Variants in SYNE1 observed in about 807,000 individuals in gnomAD.
SYNE1 encodes nesprin-1.
Under a neutral mutation model 1,111.0 loss-of-function variants are expected in SYNE1, and 616 were observed. The ratio of observed to expected loss-of-function variants is 0.55; its 90% CI spans 0.52 to 0.59. The LOEUF is 0.59. SYNE1 is among the 20% of genes least tolerant of loss of function. The pLI is 0.00. For missense variants in SYNE1, 10,006 were observed against 10,417.0 expected (o/e 0.96, Z 1.72); for synonymous variants, 3,855 against 3,825.8 (o/e 1.01, Z -0.28).
intron 4 of SYNE1, among the ~76,000 whole-genome samples, chr6:152,528,180 G>T (rs1464663334): frequency 6.6e-6 from 1 of 151,958 alleles, no homozygotes; most frequent in Non-Finnish European, 1.5e-5. Flanking sequence ...TGAGTCCTTT[G>T]TTCTTTACAA....
chr6:152,289,093 G>A (rs2094461059), intron 95 of SYNE1, among the ~76,000 whole-genome samples: 1 of 152,042 alleles, frequency 6.6e-6, no homozygotes, highest in Non-Finnish European at 1.5e-5. Flanking sequence ...TTAATTTTAT[G>A]CTATGTGAAT....
At chr6:152,184,453 AAAAG>A (rs1206061663) in intron 128 of SYNE1, among the ~76,000 whole-genome samples, 1 of 149,298 alleles carries the variant, frequency 6.7e-6, no homozygotes, top group Non-Finnish European at 1.5e-5. Context: ...AAAAAAAAAA[AAAAG>A]AAAGAAATTG....
chr6:152,525,489 T>A (rs2099159453), intron 5 of SYNE1, among the ~76,000 whole-genome samples: 1 of 152,214 alleles, frequency 6.6e-6, no homozygotes, highest in South Asian at 2.1e-4. Flanking sequence ...CAAGAAGAGA[T>A]AATTTATTAT....
At position 152,398,715 on chromosome 6, in the gene SYNE1, G is replaced by T; in HGVS notation, c.7254C>A (p.Phe2418Leu). ...CCTTTGCTCCCAAAAACCATTCTTG[G>T]AATTCCTGCATAGACTCTTTTGAAA... ...EKHFSESMQE[F>L]QEWFLGAKAA... is the part of the protein sequence containing the mutation. Residue 2418 changes from phenylalanine to leucine, a missense_variant, in exon 49 of 146, where the codon TTC becomes TTA. Physicochemically the swap from Phe to Leu is conservative, Grantham distance 22. Coordinates refer to ENST00000367255, the MANE Select transcript of SYNE1 (RefSeq NM_182961.4). 6.2e-7 allele frequency: 1 copy of T among 1,613,524 alleles called. No homozygotes were observed. The highest frequency in any genetic ancestry group is 8.5e-7 in the Non-Finnish European group (1 of 1,179,688).
chr6:152,241,155 C>T (rs1321806294), intron 107 of SYNE1, among the ~76,000 whole-genome samples: 2 of 152,146 alleles, frequency 1.3e-5, no homozygotes, highest in Non-Finnish European at 2.9e-5. Flanking sequence ...CCTAGTTTCC[C>T]CTCTGGAATA....
chr6:152,323,760 T>C (rs2095957659), intron 81 of SYNE1, 23 bp from the exon 82 acceptor site: 1 of 1,613,682 alleles, frequency 6.2e-7, no homozygotes, highest in Non-Finnish European at 8.5e-7. Flanking sequence ...GTACATACTA[T>C]GAAGTTCAAT....
chr6:152,143,404 G>C lies in SYNE1; in HGVS notation c.25119+219C>G, dbSNP rs552307402. On this transcript the variant is annotated intron_variant, in intron 138 of 145. Transcript: ENST00000367255. Reference sequence around the variant, plus strand: ...CCTAAGTGCTCAGTGTAAAGGAACAGGTTTGTCATTACAACAGTTTTGTGG... The same window carrying C: ...CCTAAGTGCTCAGTGTAAAGGAACACGTTTGTCATTACAACAGTTTTGTGG... 2.0e-5 allele frequency among the ~76,000 whole-genome samples: 3 copies of C among 152,304 alleles called. No homozygotes were observed. In the East Asian group the frequency reaches 5.8e-4, roughly 29 times the overall value.
At chr6:152,505,959 A>C (rs1382698394) in intron 8 of SYNE1, among the ~76,000 whole-genome samples, 3 of 152,264 alleles carry the variant, frequency 2.0e-5, no homozygotes, top group Non-Finnish European at 4.4e-5. Flanking sequence ...TATTGCAATT[A>C]TATCTCAAAG....
chr6:152,562,760 C>A (rs561975750), intron 3 of SYNE1, among the ~76,000 whole-genome samples: 1 of 152,130 alleles, frequency 6.6e-6, no homozygotes, highest in Non-Finnish European at 1.5e-5. Flanking sequence ...ATGTAACAAA[C>A]CTGCACGTTC....
intron 91 of SYNE1, among the ~76,000 whole-genome samples, chr6:152,306,727 A>AAT (rs1326797456): frequency 2.6e-5 from 4 of 150,982 alleles, no homozygotes; most frequent in Non-Finnish European, 4.4e-5. Flanking sequence ...CAAAAAAAAA[A>AAT]AATGCAAAAA....
At chr6:152,296,569 C>T (rs2094892613) in intron 93 of SYNE1, among the ~76,000 whole-genome samples, 1 of 152,226 alleles carries the variant, frequency 6.6e-6, no homozygotes, top group African/African-American at 2.4e-5. Flanking sequence ...ATCCTGGCCA[C>T]AGCCTTGGTT....
chr6:152,259,369 T>C (rs2091564368), intron 101 of SYNE1, among the ~76,000 whole-genome samples: 2 of 152,202 alleles, frequency 1.3e-5, no homozygotes, highest in South Asian at 2.1e-4. Flanking sequence ...AAGTAGGTTG[T>C]TGTGCATGGA....
intron 3 of SYNE1, among the ~76,000 whole-genome samples, chr6:152,626,603 A>G (rs1332812695): frequency 6.6e-6 from 1 of 152,196 alleles, no homozygotes; most frequent in Non-Finnish European, 1.5e-5. Context: ...GTCTAGACCC[A>G]TCTATATATT....
At chr6:152,332,016 G>A (rs1315767937) in intron 77 of SYNE1, 126 bp from the exon 78 acceptor site, 2 of 1,376,676 alleles carry the variant, frequency 1.5e-6, no homozygotes, top group African/African-American at 2.9e-5. Context: ...TGTTTCCCAG[G>A]CTGGAGTGCA....
intron 3 of SYNE1, among the ~76,000 whole-genome samples, chr6:152,587,212 G>C (rs982684600): frequency 6.6e-6 from 1 of 152,088 alleles, no homozygotes; most frequent in African/African-American, 2.4e-5. Context: ...TTATTTTCAA[G>C]TTTACCAATG....
At chr6:152,370,024 A>C (rs1203741665) in intron 59 of SYNE1, among the ~76,000 whole-genome samples, 2 of 151,254 alleles carry the variant, frequency 1.3e-5, no homozygotes, top group East Asian at 1.9e-4. Flanking sequence ...CAAAAAAAAA[A>C]CCAAGCCCGC....
In SYNE1 at chr6:152,488,727, A is replaced by ATTT. The variant is rs34808382; in HGVS notation, c.940-227_940-225dup. Among the ~76,000 whole-genome samples, 1,200 of 149,858 alleles carry ATTT rather than the reference A, an allele frequency of 8.0e-3. 11 individuals are homozygous for ATTT. The highest frequency in any genetic ancestry group is 0.022 in the African/African-American group (902 of 40,880). On this transcript the variant is annotated intron_variant, in intron 11 of 145. Transcript: ENST00000367255. ...TTGAATAACGAAATTAACCAACTCC[A>ATTT]TTTTTTTTTTGCCAAGTAACGCTAA...
At chr6:152,613,766 T>C (rs1447701405) in intron 3 of SYNE1, among the ~76,000 whole-genome samples, 1 of 152,102 alleles carries the variant, frequency 6.6e-6, no homozygotes, top group Non-Finnish European at 1.5e-5. Flanking sequence ...CAAAGCAGCA[T>C]AGTACTGGTA....
chr6:152,362,203 C>T lies in SYNE1; in HGVS notation c.10266G>A (p.Leu3422=). ...LNESERQHAE[L]RDKTTMLGKA... ...TTCCGAGCATCGTTGTTTTATCCCG[C>T]AGCTCCGCATGCTGCCTTTCTGATT... is the stretch of plus-strand genomic sequence containing the variant. The change falls in exon 64 of 146, where the codon CTG becomes CTA. Residue 3422 remains leucine (L), a synonymous_variant. Coordinates refer to ENST00000367255, the MANE Select transcript of SYNE1 (RefSeq NM_182961.4). The T allele has an allele frequency of 6.2e-7, 1 of 1,614,248 alleles. No homozygotes were observed.
Sources: allele counts gnomAD v4.1 joint callset (sites outside exome capture counted in the v4.1 genomes callset), GRCh38; gene constraint gnomAD v4.1.1; transcripts MANE v1.5; gene names NCBI Gene and HGNC (gene_info 2026-07-23, HGNC 2026-07-21).